Variants in FER observed in about 807,000 individuals in gnomAD.
FER encodes the protein tyrosine-protein kinase Fer.
A neutral mutation model predicts 111.0 loss-of-function variants in FER; 63 were observed. The ratio of observed to expected loss-of-function variants is 0.57; its 90% CI spans 0.46 to 0.70. FER has a LOEUF of 0.70. Ranked by LOEUF, FER falls within the 30% of genes least tolerant of loss-of-function variation. The probability of loss-of-function intolerance (pLI) is 0.00; values close to 1 mark genes in which losing one functional copy is unlikely to be tolerated. For missense variants in FER, 914 were observed against 954.0 expected (o/e 0.96, Z 0.55); for synonymous variants, 327 against 313.9 (o/e 1.04, Z -0.44).
At chr5:109,100,257 G>T (rs922795152) in intron 16 of FER, 139 bp from the exon 17 acceptor site, 3 of 906,676 alleles carry the variant, frequency 3.3e-6, no homozygotes, top group Non-Finnish European at 5.1e-6. Context: ...TTATCCTCAC[G>T]TCAAACAAAT....
intron 13 of FER, among the ~76,000 whole-genome samples, chr5:108,963,026 CA>C (rs1288071997): frequency 1.3e-5 from 2 of 151,954 alleles, no homozygotes; most frequent in African/African-American, 4.8e-5. Flanking sequence ...TTTAATATAT[CA>C]AAAACTATTT....
intron 15 of FER, among the ~76,000 whole-genome samples, chr5:109,045,409 T>C (rs1239664149): frequency 1.3e-5 from 2 of 151,662 alleles, no homozygotes; most frequent in African/African-American, 4.9e-5. Context: ...TTCATTCTCT[T>C]AGGAAAGTAT....
chr5:109,112,340 A>G (rs1749730877), intron 17 of FER, among the ~76,000 whole-genome samples: 1 of 152,196 alleles, frequency 6.6e-6, no homozygotes. Flanking sequence ...GCAAGTTAAA[A>G]AAGGTTTGAA....
chr5:109,148,456 A>G (rs1164977932), intron 17 of FER, among the ~76,000 whole-genome samples: 1 of 152,178 alleles, frequency 6.6e-6, no homozygotes, highest in Admixed American at 6.6e-5. Flanking sequence ...AAGGGACAAG[A>G]TTCTTAAAGC....
intron 16 of FER, among the ~76,000 whole-genome samples, chr5:109,049,319 T>C (rs1281496760): frequency 6.6e-6 from 1 of 152,152 alleles, no homozygotes; most frequent in Non-Finnish European, 1.5e-5. Flanking sequence ...ATCTGGAGGC[T>C]CTGGGGAAGA....
intron 5 of FER, among the ~76,000 whole-genome samples, chr5:108,859,631 A>G (rs1006638014): frequency 6.6e-6 from 1 of 152,176 alleles, no homozygotes; most frequent in Non-Finnish European, 1.5e-5. Context: ...TCACAGTATT[A>G]GGAAATTATG....
intron 16 of FER, among the ~76,000 whole-genome samples, chr5:109,088,500 G>T (rs1028230520): frequency 6.6e-6 from 1 of 152,018 alleles, no homozygotes; most frequent in African/African-American, 2.4e-5. Context: ...ATTTTTAGGT[G>T]AACAGTATTC....
intron 1 of FER, among the ~76,000 whole-genome samples, chr5:108,762,119 T>C: frequency 6.6e-6 from 1 of 152,104 alleles, no homozygotes; most frequent in Non-Finnish European, 1.5e-5. Context: ...TTTACCATGT[T>C]GGTCAGGCTG....
chr5:108,914,273 T>C (rs557303461), intron 10 of FER, among the ~76,000 whole-genome samples: 4 of 150,670 alleles, frequency 2.7e-5, no homozygotes, highest in East Asian at 3.9e-4. Flanking sequence ...ATGTGTTAGA[T>C]TGTGTGTTGA....
chr5:108,772,416 T>C (rs2149970924), intron 2 of FER, among the ~76,000 whole-genome samples: 1 of 151,918 alleles, frequency 6.6e-6, no homozygotes, highest in East Asian at 1.9e-4. Context: ...TATGCCTCTT[T>C]ATTCTTTTTT....
At chr5:109,146,266 A>AT (rs376610489) in intron 17 of FER, among the ~76,000 whole-genome samples, 4,455 of 88,114 alleles carry the variant, frequency 0.051, 515 homozygotes, top group South Asian at 0.12. Flanking sequence ...ATATATATAT[A>AT]TATATATATA....
rs770828478 is a variant in FER, at chr5:108,871,379, A to T, written c.680A>T (p.Asp227Val). ...TTTGTTTTCAGCAAAGGTATATTTG[A>T]TGAATACAGCCAGATAACCAGTCTT... is the stretch of plus-strand genomic sequence containing the variant. ...EMIKALKGIF[D>V]EYSQITSLVT... is the part of the protein sequence containing the mutation. The change falls in exon 7 of 20, where the codon GAT (aspartate) becomes GTT (valine). Residue 227 changes from aspartate (D) to valine (V), a missense_variant. Physicochemically the swap from Asp to Val is radical, Grantham distance 152. Around this residue, in one of 3 missense-constraint regions of FER, gnomAD observed 774 missense variants for 782.6 expected, o/e 0.99. Coordinates refer to ENST00000281092, the MANE Select transcript of FER (RefSeq NM_005246.4). 1.6e-5 allele frequency: 26 copies of T among 1,608,792 alleles called. No homozygotes were observed. The highest frequency in any genetic ancestry group is 1.7e-4 in the Middle Eastern group (1 of 6,042).
At chr5:108,976,555 C>A (rs917166313) in intron 13 of FER, among the ~76,000 whole-genome samples, 1 of 152,032 alleles carries the variant, frequency 6.6e-6, no homozygotes, top group African/African-American at 2.4e-5. Context: ...CCTGCATAGT[C>A]AAAAATCTGC....
intron 13 of FER, among the ~76,000 whole-genome samples, chr5:109,027,486 C>T (rs1005106933): frequency 6.6e-6 from 1 of 152,080 alleles, no homozygotes; most frequent in South Asian, 2.1e-4. Flanking sequence ...GGTGGGCATT[C>T]TTCTTGGAGA....
At chr5:108,904,177 T>C (rs1244753891) in intron 10 of FER, among the ~76,000 whole-genome samples, 3 of 152,164 alleles carry the variant, frequency 2.0e-5, no homozygotes, top group African/African-American at 7.2e-5. Context: ...GAATTTGTTT[T>C]CACTGTTATG....
At chr5:108,887,843 G>C (rs1747410145) in intron 9 of FER, among the ~76,000 whole-genome samples, 1 of 151,686 alleles carries the variant, frequency 6.6e-6, no homozygotes, top group African/African-American at 2.4e-5. Flanking sequence ...AAAATACCAA[G>C]CATATGTCAT....
At chr5:109,095,386 G>T (rs1006791468) in intron 16 of FER, among the ~76,000 whole-genome samples, 1 of 151,954 alleles carries the variant, frequency 6.6e-6, no homozygotes, top group Admixed American at 6.6e-5. Flanking sequence ...AGTCTTTTCA[G>T]ACCTAATGTT....
At chr5:108,882,390 T>C (rs1399165997) in intron 8 of FER, among the ~76,000 whole-genome samples, 3 of 152,104 alleles carry the variant, frequency 2.0e-5, no homozygotes, top group African/African-American at 4.8e-5. Context: ...AGTCTAGTTA[T>C]AATAATGTCA....
At chr5:109,106,923 G>T (rs1284397320) in intron 17 of FER, among the ~76,000 whole-genome samples, 1 of 152,154 alleles carries the variant, frequency 6.6e-6, no homozygotes, top group African/African-American at 2.4e-5. Context: ...TTGGAGTAAA[G>T]GGTCAGAGGA....
Sources: allele counts gnomAD v4.1 joint callset (sites outside exome capture counted in the v4.1 genomes callset), GRCh38; gene constraint gnomAD v4.1.1; regional missense constraint gnomAD v4.1.1; transcripts MANE v1.5; gene names NCBI Gene and HGNC (gene_info 2026-07-23, HGNC 2026-07-21).